Variants in ZNF407 observed in about 807,000 individuals in gnomAD.
ZNF407 encodes zinc finger protein 407.
In ZNF407, 17 loss-of-function variants were observed where a neutral mutation model predicts 131.2. The ratio of observed to expected loss-of-function variants is 0.13; its 90% confidence interval spans 0.09 to 0.19. The LOEUF is 0.19. Ranked by LOEUF, ZNF407 falls within the 10% of genes least tolerant of loss-of-function variation. The probability of loss-of-function intolerance (pLI) is 1.00; values close to 1 mark genes in which losing one functional copy is unlikely to be tolerated. For missense variants in ZNF407, 2,681 were observed against 2,830.6 expected (o/e 0.95, Z 1.20); for synonymous variants, 1,156 against 1,062.0 (o/e 1.09, Z -1.72).
chr18:74,938,185 C>G (rs1440236064), intron 8 of ZNF407, among the ~76,000 whole-genome samples: 1 of 152,070 alleles, frequency 6.6e-6, no homozygotes, highest in Non-Finnish European at 1.5e-5. Flanking sequence ...TTCTTTTGTC[C>G]ATATAGTCAT....
intron 7 of ZNF407, among the ~76,000 whole-genome samples, chr18:74,903,682 A>T (rs1163725109): frequency 1.3e-5 from 2 of 152,218 alleles, no homozygotes; most frequent in African/African-American, 4.8e-5. Context: ...GTAGCGATGA[A>T]GAGTTCGGGG....
intron 4 of ZNF407, among the ~76,000 whole-genome samples, chr18:74,838,083 ACTTTC>A: frequency 6.6e-6 from 1 of 152,290 alleles, no homozygotes; most frequent in South Asian, 2.1e-4. Flanking sequence ...ATTGGCAGTT[ACTTTC>A]GTATTTGTTG....
At chr18:74,755,728 C>CCTTA (rs1555684064) in intron 3 of ZNF407, among the ~76,000 whole-genome samples, 2 of 63,468 alleles carry the variant, frequency 3.2e-5, no homozygotes, top group African/African-American at 1.4e-4. Flanking sequence ...TTCTTTCTTT[C>CCTTA]CTTTCTTTCT....
intron 1 of ZNF407, among the ~76,000 whole-genome samples, chr18:74,616,759 A>G (rs1398657553): frequency 1.3e-5 from 2 of 150,124 alleles, no homozygotes; most frequent in African/African-American, 4.9e-5. Context: ...ACACACATCC[A>G]TATCCACACA....
chr18:74,696,545 A>G (rs1967360470), intron 3 of ZNF407, among the ~76,000 whole-genome samples: 1 of 152,188 alleles, frequency 6.6e-6, no homozygotes, highest in Non-Finnish European at 1.5e-5. Context: ...CTGTGAAACC[A>G]TTGATCTTAA....
At chr18:74,774,243 G>A (rs1969421559) in intron 3 of ZNF407, among the ~76,000 whole-genome samples, 1 of 152,166 alleles carries the variant, frequency 6.6e-6, no homozygotes, top group Non-Finnish European at 1.5e-5. Flanking sequence ...CTCTATCAAA[G>A]AATGCTAGCT....
At chr18:74,975,923 CAGAG>C (rs1298724920) in intron 8 of ZNF407, among the ~76,000 whole-genome samples, 1 of 152,196 alleles carries the variant, frequency 6.6e-6, no homozygotes, top group Non-Finnish European at 1.5e-5. Flanking sequence ...ATGGTCATGA[CAGAG>C]AGGTTTCTCC....
chr18:74,678,140 T>C (rs1173778458), intron 3 of ZNF407, among the ~76,000 whole-genome samples: 1 of 152,208 alleles, frequency 6.6e-6, no homozygotes, highest in African/African-American at 2.4e-5. Flanking sequence ...ATTTTTTTAA[T>C]GTCATGGACA....
At chr18:74,604,005 A>G (rs950700590) in intron 1 of ZNF407, among the ~76,000 whole-genome samples, 1 of 152,220 alleles carries the variant, frequency 6.6e-6, no homozygotes, top group Non-Finnish European at 1.5e-5. Flanking sequence ...GAAGTTGATG[A>G]GTGCATGTAA....
chr18:74,692,287 T>G (rs988955891), intron 3 of ZNF407, among the ~76,000 whole-genome samples: 1 of 152,094 alleles, frequency 6.6e-6, no homozygotes, highest in Non-Finnish European at 1.5e-5. Context: ...GCGTCCTGAC[T>G]GTAGGTTTCA....
At chr18:74,972,767 T>TAA (rs60082776) in intron 8 of ZNF407, among the ~76,000 whole-genome samples, 2 of 151,988 alleles carry the variant, frequency 1.3e-5, no homozygotes, top group Admixed American at 6.6e-5. Flanking sequence ...AATCCTGCTT[T>TAA]AAAAAAAATG....
At position 74,852,576 on chromosome 18, in the gene ZNF407, A is replaced by G. The variant is rs1331072792; in HGVS notation, c.4878-24621A>G. Among the ~76,000 whole-genome samples the G allele has an allele frequency of 7.2e-5, 11 of 152,202 alleles. No homozygotes were observed. In the South Asian group the frequency reaches 1.7e-3, roughly 23 times the overall value. ...TATTTTGAGCTCTGTAATTTAGAGT[A>G]TCTGGTAGAGTTTTGTAATAATAGC... On this transcript the variant is annotated intron_variant, in intron 4 of 8. Transcript: ENST00000299687.
At chr18:74,658,917 A>G (rs909331309) in intron 3 of ZNF407, among the ~76,000 whole-genome samples, 1 of 152,178 alleles carries the variant, frequency 6.6e-6, no homozygotes, top group Non-Finnish European at 1.5e-5. Flanking sequence ...AATTTAAAAC[A>G]TTATATATCT....
chr18:74,696,743 A>G (rs17055433), intron 3 of ZNF407, among the ~76,000 whole-genome samples: 13,208 of 152,194 alleles, frequency 0.087, 790 homozygotes, highest in African/African-American at 0.17. Flanking sequence ...GAGGCTTTGC[A>G]ATGTGGTAGT....
chr18:74,868,712 C>G (rs1259494870), intron 4 of ZNF407, among the ~76,000 whole-genome samples: 1 of 152,174 alleles, frequency 6.6e-6, no homozygotes, highest in African/African-American at 2.4e-5. Context: ...TTGGCTCTGT[C>G]CTTGAGACTT....
At chr18:74,945,288 A>G (rs913189844) in intron 8 of ZNF407, among the ~76,000 whole-genome samples, 3 of 152,168 alleles carry the variant, frequency 2.0e-5, no homozygotes, top group Non-Finnish European at 4.4e-5. Flanking sequence ...AAAAAAATCT[A>G]TTTGGACCAG....
intron 3 of ZNF407, among the ~76,000 whole-genome samples, chr18:74,730,557 T>G (rs2144893922): frequency 6.6e-6 from 1 of 152,328 alleles, no homozygotes; most frequent in Non-Finnish European, 1.5e-5. Context: ...TTCAGGTCGC[T>G]GCTACTTTTC....
chr18:75,028,726 G>A (rs1973200937), intron 8 of ZNF407, among the ~76,000 whole-genome samples: 1 of 152,172 alleles, frequency 6.6e-6, no homozygotes, highest in South Asian at 2.1e-4. Flanking sequence ...CAGGAACAAT[G>A]CGAGAACCCA....
intron 3 of ZNF407, among the ~76,000 whole-genome samples, chr18:74,748,306 G>A (rs1199150844): frequency 1.4e-5 from 2 of 144,024 alleles, no homozygotes; most frequent in African/African-American, 2.6e-5. Context: ...TTTGTCCTCT[G>A]CAATAAGTAG....
Sources: allele counts gnomAD v4.1 joint callset (sites outside exome capture counted in the v4.1 genomes callset), GRCh38; gene constraint gnomAD v4.1.1; transcripts MANE v1.5; gene names NCBI Gene and HGNC (gene_info 2026-07-23, HGNC 2026-07-21).